The following PDE4B variants were observed in gnomAD, a reference collection of about 807,000 sequenced individuals.
PDE4B encodes phosphodiesterase 4B.
In PDE4B, 20 loss-of-function variants were observed where a neutral mutation model predicts 82.2. The observed-to-expected ratio is 0.24, with a 90% confidence interval of 0.17 to 0.35. PDE4B has a LOEUF of 0.35. Among genes scored for constraint, PDE4B ranks in the 10% least tolerant of loss-of-function variants. The pLI, the probability that PDE4B is intolerant of heterozygous loss-of-function variation, is 1.00. For missense variants in PDE4B, 655 were observed against 907.2 expected (o/e 0.72, Z 3.57); for synonymous variants, 320 against 318.9 (o/e 1.00, Z -0.04).
intron 3 of PDE4B, among the ~76,000 whole-genome samples, chr1:66,129,476 T>G (rs1255272805): frequency 2.0e-5 from 3 of 150,546 alleles, no homozygotes; most frequent in Non-Finnish European, 3.0e-5. Context: ...GCTAAAACGG[T>G]GAAACCCCGT....
At chr1:66,212,054 G>A (rs1157369722) in intron 3 of PDE4B, among the ~76,000 whole-genome samples, 1 of 152,158 alleles carries the variant, frequency 6.6e-6, no homozygotes, top group Non-Finnish European at 1.5e-5. Context: ...CCCTCTTTGT[G>A]CAGCAGCAAC....
rs150167576 is a variant in PDE4B at position 66,198,182 on chromosome 1, C to T, written c.282-49278C>T. Among the ~76,000 whole-genome samples, 592 of 152,170 alleles carry T rather than the reference C, an allele frequency of 3.9e-3. 5 individuals are homozygous for T. Among genetic ancestry groups the T allele is most frequent in the African/African-American group, 0.014 (571 of 41,510 alleles). On this transcript the variant is annotated intron_variant, in intron 3 of 16. Transcript: ENST00000341517. ...CCAAGCGGCTAATATTCTGCAAGGC[C>T]CCGTTCCCTTTCCTAGTGATTCCTG... is the stretch of plus-strand genomic sequence containing the variant.
chr1:65,926,398 T>A (rs1012263260), intron 3 of PDE4B, among the ~76,000 whole-genome samples: 3 of 152,194 alleles, frequency 2.0e-5, no homozygotes, highest in South Asian at 2.1e-4. Context: ...CACACTTGTT[T>A]TGGCTATAAA....
intron 6 of PDE4B, among the ~76,000 whole-genome samples, chr1:66,259,743 T>A (rs569810625): frequency 6.6e-6 from 1 of 152,342 alleles, no homozygotes; most frequent in East Asian, 1.9e-4. Context: ...AGTTTGTGCT[T>A]CATAAAAATT....
At chr1:66,320,853 A>G (rs1659349777) in intron 7 of PDE4B, among the ~76,000 whole-genome samples, 1 of 152,200 alleles carries the variant, frequency 6.6e-6, no homozygotes, top group Non-Finnish European at 1.5e-5. Context: ...AATATTTAGA[A>G]AACTTTGTAG....
chr1:66,295,521 C>T (rs1657445399), intron 7 of PDE4B, among the ~76,000 whole-genome samples: 1 of 152,076 alleles, frequency 6.6e-6, no homozygotes, highest in Non-Finnish European at 1.5e-5. Context: ...ATCCACTGCC[C>T]AGGTTCAAAC....
chr1:66,262,693 C>T (rs1398419184), intron 6 of PDE4B, among the ~76,000 whole-genome samples: 1 of 152,176 alleles, frequency 6.6e-6, no homozygotes, highest in Non-Finnish European at 1.5e-5. Context: ...GTCATTTATT[C>T]ATTGAAAATG....
chr1:65,913,086 C>A (rs911233970), intron 1 of PDE4B, among the ~76,000 whole-genome samples, 159 bp from the exon 2 acceptor site: 6 of 152,128 alleles, frequency 3.9e-5, no homozygotes, highest in Non-Finnish European at 8.8e-5. Flanking sequence ...TTGTGAAGCT[C>A]TTTTCTCAGC....
In PDE4B at chr1:65,906,704, AT is replaced by A. The variant is rs371857426; in HGVS notation, c.-70-6539del. The stretch of plus-strand genomic sequence containing the variant: ...TAGCATTCAGCTCAGCAAATTGAAT[AT>A]TAAGAATTCTTTCTTTTTTTGTCAC... On this transcript the variant is annotated intron_variant, in intron 1 of 16. Transcript: ENST00000341517. 6.2e-3 allele frequency among the ~76,000 whole-genome samples: 947 copies of A among 152,292 alleles called. 2 individuals are homozygous for A. Among genetic ancestry groups the A allele is most frequent in the Middle Eastern group, 0.014 (4 of 294 alleles).
rs746564638 is a variant in PDE4B, at chr1:65,993,188, C to CTAAT, written c.281+74353_281+74354insTAAT. 2.2e-6 allele frequency: 3 copies of CTAAT among 1,377,738 alleles called. No homozygotes were observed. The South Asian group carries it at 3.7e-5, about 17-fold the overall frequency. The allele number at this position is 1,377,738 out of a possible 1,614,324, so 85.3% of individuals were successfully genotyped here. The stretch of plus-strand genomic sequence containing the variant: ...ATCTACAGTGCTTTTCAGATTCTCG[C>CTAAT]ATTAGCACCAGTGATCTAGCAGTGT... On this transcript the variant is annotated intron_variant, in intron 3 of 16. Transcript: ENST00000341517.
chr1:66,203,542 G>A (rs6685146), intron 3 of PDE4B, among the ~76,000 whole-genome samples: 36,051 of 151,942 alleles, frequency 0.24, 4,446 homozygotes, highest in Middle Eastern at 0.3. Flanking sequence ...GACTTTGTTC[G>A]TTTCTTTTTA....
intron 3 of PDE4B, among the ~76,000 whole-genome samples, chr1:65,981,800 A>G (rs970357478): frequency 6.6e-6 from 1 of 152,202 alleles, no homozygotes; most frequent in Non-Finnish European, 1.5e-5. Flanking sequence ...AATGGTTATT[A>G]TCTCTTAGTT....
chr1:66,114,987 T>C (rs1645566761), intron 3 of PDE4B, among the ~76,000 whole-genome samples: 1 of 152,176 alleles, frequency 6.6e-6, no homozygotes, highest in South Asian at 2.1e-4. Context: ...CTTCCAAAAT[T>C]GGGGAGTTTA....
chr1:66,306,249 A>C (rs1490352272), intron 7 of PDE4B, among the ~76,000 whole-genome samples: 1 of 152,110 alleles, frequency 6.6e-6, no homozygotes, highest in Admixed American at 6.6e-5. Context: ...TGTTGTCTTT[A>C]TTTGATACCT....
intron 1 of PDE4B, among the ~76,000 whole-genome samples, chr1:65,862,377 C>A (rs1348975232): frequency 6.6e-6 from 1 of 152,128 alleles, no homozygotes; most frequent in Non-Finnish European, 1.5e-5. Flanking sequence ...GTTGAACCAG[C>A]CTTGCATCCT....
At chr1:65,816,631 A>C (rs1645888666) in intron 1 of PDE4B, among the ~76,000 whole-genome samples, 1 of 152,216 alleles carries the variant, frequency 6.6e-6, no homozygotes, top group Non-Finnish European at 1.5e-5. Context: ...CACTATTTAT[A>C]ATGGACAAAG....
intron 3 of PDE4B, among the ~76,000 whole-genome samples, chr1:66,140,517 CT>C (rs1646150845): frequency 6.6e-6 from 1 of 152,192 alleles, no homozygotes; most frequent in Non-Finnish European, 1.5e-5. Context: ...TCAATTTGTA[CT>C]ATACCAAAAA....
chr1:66,239,144 A>G (rs1240577083), intron 3 of PDE4B, among the ~76,000 whole-genome samples: 3 of 152,228 alleles, frequency 2.0e-5, no homozygotes, highest in African/African-American at 7.2e-5. Context: ...TTATTGGCAG[A>G]GATACTTAAC....
intron 1 of PDE4B, among the ~76,000 whole-genome samples, chr1:65,838,485 G>GTATATGTATA (rs1557772276): frequency 2.7e-5 from 4 of 145,918 alleles, no homozygotes; most frequent in South Asian, 2.1e-4. Context: ...ATATATATAC[G>GTATATGTATA]TATATGTATA....
Sources: gnomAD v4.1 joint callset for allele counts (sites outside exome capture counted in the v4.1 genomes callset) on GRCh38, gnomAD v4.1.1 for gene constraint, MANE v1.5 for transcripts, NCBI Gene and HGNC (gene_info 2026-07-23, HGNC 2026-07-21) for gene names.